Variants in TVP23A observed in about 807,000 individuals in gnomAD.
The protein encoded by TVP23A is Golgi apparatus membrane protein TVP23 homolog A.
A neutral mutation model predicts 31.7 loss-of-function variants in TVP23A; 21 were observed. That is an observed-to-expected ratio of 0.66 (90% CI 0.47 to 0.95). The LOEUF (loss-of-function observed/expected upper bound fraction) is 0.95, where lower values mean the gene tolerates loss of function less well. Among genes scored for constraint, TVP23A ranks in the 40% least tolerant of loss-of-function variants. The pLI is 0.00. For synonymous variants in TVP23A, 104 were observed against 96.0 expected (o/e 1.08, Z -0.49); for missense variants, 279 against 255.6 (o/e 1.09, Z -0.62).
chr16:10,773,199 A>T (rs538876105), intron 5 of TVP23A, 114 bp downstream of exon 5: 1 of 1,349,780 alleles, frequency 7.4e-7, no homozygotes, highest in South Asian at 1.5e-5. Context: ...TATCTCAATA[A>T]ACTTGTTATA....
At chr16:10,763,232 T>C (rs1596470487), downstream of TVP23A, among the ~76,000 whole-genome samples, 1 of 152,056 alleles carries the variant, frequency 6.6e-6, no homozygotes, top group Non-Finnish European at 1.5e-5. Flanking sequence ...GAGAAGGTGG[T>C]TCATGTCCGT....
intron 2 of TVP23A, among the ~76,000 whole-genome samples, chr16:10,798,048 C>T (rs1308345034): frequency 2.0e-5 from 3 of 150,586 alleles, no homozygotes; most frequent in African/African-American, 4.9e-5. Flanking sequence ...CTCCGCCTCC[C>T]GGGTTCAAGC....
At chr16:10,797,979 G>A (rs1276060078) in intron 2 of TVP23A, among the ~76,000 whole-genome samples, 3 of 113,280 alleles carry the variant, frequency 2.6e-5, no homozygotes, top group African/African-American at 1.1e-4. Context: ...TTTTTGAGAT[G>A]GAGTCTTGCT....
intron 2 of TVP23A, among the ~76,000 whole-genome samples, chr16:10,776,017 G>A (rs771050489): frequency 1.3e-5 from 2 of 151,258 alleles, no homozygotes; most frequent in Admixed American, 1.3e-4. Flanking sequence ...CCAAAGTGCT[G>A]GGATTACAGG....
At chr16:10,774,846 C>G in intron 3 of TVP23A, 106 bp downstream of exon 3, 1 of 952,126 alleles carries the variant, frequency 1.1e-6, no homozygotes, top group Non-Finnish European at 1.6e-6. Context: ...GCTCAGCACT[C>G]TTAAGCATGT....
downstream of TVP23A, among the ~76,000 whole-genome samples, chr16:10,757,677 C>T (rs1156955818): frequency 3.3e-5 from 5 of 152,068 alleles, no homozygotes; most frequent in Admixed American, 1.3e-4. The surrounding 1 kb of genome is among the most constrained non-coding windows in gnomAD (Gnocchi z 4.1). Context: ...CATGCTTCTC[C>T]GTGAGCTGGG....
At chr16:10,789,912 G>T (rs999711156) in intron 2 of TVP23A, among the ~76,000 whole-genome samples, 1 of 152,098 alleles carries the variant, frequency 6.6e-6, no homozygotes, top group East Asian at 1.9e-4. Context: ...GGAGGAGGGG[G>T]CTGGTTGGTA....
At chr16:10,817,393 G>A (rs1158572207) in intron 2 of TVP23A, among the ~76,000 whole-genome samples, 1 of 152,210 alleles carries the variant, frequency 6.6e-6, no homozygotes, top group Non-Finnish European at 1.5e-5. Context: ...AAGCAGAACT[G>A]GGTGGGTGAG....
At chr16:10,759,776 A>G (rs867094906), downstream of TVP23A, among the ~76,000 whole-genome samples, 12 of 152,296 alleles carry the variant, frequency 7.9e-5, no homozygotes, top group Admixed American at 2.6e-4. The surrounding 1 kb of genome is among the most constrained non-coding windows in gnomAD (Gnocchi z 4.7). Flanking sequence ...ACTCTGTCTC[A>G]AAAAAAGAAA....
rs1222570734 is a variant in TVP23A, at chr16:10,767,195, C to A, written c.*1907G>T. ...AGCAAGCTGATGGCAGGTCCACCCACGACTGGGGGCTGGCAGGGCAGACTG... is the reference window on the plus strand; with the variant it reads ...AGCAAGCTGATGGCAGGTCCACCCAAGACTGGGGGCTGGCAGGGCAGACTG... On this transcript the variant is annotated 3_prime_UTR_variant, in exon 8 of 8. Transcript: ENST00000299866. The surrounding 1 kb of genome is among the most constrained non-coding windows in gnomAD (Gnocchi z 4.6). The A allele has an allele frequency of 2.5e-6, 1 of 399,848 alleles. No individual in the cohort carries two copies. Among genetic ancestry groups the A allele is most frequent in the Non-Finnish European group, 4.4e-6 (1 of 227,104 alleles). 24.8% of individuals were successfully genotyped at this position (399,848 alleles called of 1,614,324 possible).
At chr16:10,774,876 G>T in intron 3 of TVP23A, 76 bp downstream of exon 3, 1 of 1,362,368 alleles carries the variant, frequency 7.3e-7, no homozygotes, top group Non-Finnish European at 1.0e-6. Flanking sequence ...CTAAACCAAA[G>T]TACCTCTTGG....
intron 2 of TVP23A, among the ~76,000 whole-genome samples, chr16:10,791,396 C>G (rs1251041074): frequency 6.6e-6 from 1 of 152,142 alleles, no homozygotes; most frequent in Non-Finnish European, 1.5e-5. Context: ...GGAGTACCAA[C>G]TAAGGTTTTC....
At chr16:10,787,200 C>T (rs1027007113) in intron 2 of TVP23A, among the ~76,000 whole-genome samples, 1 of 152,166 alleles carries the variant, frequency 6.6e-6, no homozygotes. Context: ...GTACTAAACC[C>T]TTTTTGATAT....
At position 10,768,663 on chromosome 16, in the gene TVP23A, G is replaced by A. The variant is rs149667981; in HGVS notation, c.*439C>T. On this transcript the variant is annotated 3_prime_UTR_variant, in exon 8 of 8. Transcript: ENST00000299866. This position sits in a 1 kb window ranked among gnomAD's most constrained non-coding sequence, Gnocchi z 4.3. ...TTGAGCCAGACCAAACCCACGTGCA[G>A]GCCACATTCAGCCAGTGGCAGCCAT... 9.4e-4 allele frequency: 188 copies of A among 200,630 alleles called. 2 individuals are homozygous for A. The highest frequency in any genetic ancestry group is 3.6e-3 in the African/African-American group (156 of 43,234). The allele number at this position is 200,630 out of a possible 1,614,324, so 12.4% of individuals were successfully genotyped here. A position where few individuals can be genotyped will look rare whatever the true frequency, so the allele number is the denominator to read the frequency against.
At chr16:10,806,966 T>C (rs1016415648) in intron 2 of TVP23A, among the ~76,000 whole-genome samples, 1 of 152,260 alleles carries the variant, frequency 6.6e-6, no homozygotes, top group African/African-American at 2.4e-5. Flanking sequence ...TCCGTGATTC[T>C]GTGGGTTATT....
At chr16:10,759,153 C>G (rs945212602), downstream of TVP23A, among the ~76,000 whole-genome samples, 1 of 152,254 alleles carries the variant, frequency 6.6e-6, no homozygotes, top group African/African-American at 2.4e-5. This position sits in a 1 kb window ranked among gnomAD's most constrained non-coding sequence, Gnocchi z 4.7. Context: ...AGCTCTGACT[C>G]TGACATGCCG....
chr16:10,813,742 A>C (rs924152416), intron 2 of TVP23A, among the ~76,000 whole-genome samples: 2 of 152,134 alleles, frequency 1.3e-5, no homozygotes, highest in Non-Finnish European at 2.9e-5. Flanking sequence ...ATGGTGGCTC[A>C]CGCCTGTAAT....
At chr16:10,812,083 C>T (rs1041973853) in intron 2 of TVP23A, among the ~76,000 whole-genome samples, 2 of 151,640 alleles carry the variant, frequency 1.3e-5, no homozygotes, top group East Asian at 1.9e-4. Flanking sequence ...TTAAAAAAAA[C>T]GGGCAAGAGA....
rs1042570819 is a variant in TVP23A, at chr16:10,779,145, T to C, written c.90-4049A>G. On this transcript the variant is annotated intron_variant, in intron 2 of 7. Coordinates refer to ENST00000299866, the MANE Select transcript of TVP23A (RefSeq NM_001079512.4). This position sits in a 1 kb window ranked among gnomAD's most constrained non-coding sequence, Gnocchi z 4.9. ...ATTTCCAGTTGTTGATAGCTTCCAC[T>C]TAGCTGGGCCCTGATTAACTCAATG... is the stretch of plus-strand genomic sequence containing the variant. 2.0e-5 allele frequency among the ~76,000 whole-genome samples: 3 copies of C among 152,322 alleles called. No individual in the cohort carries two copies. The highest frequency in any genetic ancestry group is 2.9e-5 in the Non-Finnish European group (2 of 68,028).
Sources: gnomAD v4.1 joint callset for allele counts (sites outside exome capture counted in the v4.1 genomes callset) on GRCh38, gnomAD v4.1.1 for gene constraint, Gnocchi (gnomAD v3.1) non-coding constraint, MANE v1.5 for transcripts, NCBI Gene and HGNC (gene_info 2026-07-23, HGNC 2026-07-21) for gene names.